RAD54L2: variants seen among roughly 807,000 people sequenced by gnomAD.
RAD54L2 encodes the protein RAD54 like 2, also known as helicase ARIP4.
Under a neutral mutation model 138.4 loss-of-function variants are expected in RAD54L2, and 27 were observed. The ratio of observed to expected loss-of-function variants is 0.20; its 90% CI spans 0.14 to 0.27. The LOEUF is 0.27. Ranked by LOEUF, RAD54L2 falls within the 10% of genes least tolerant of loss-of-function variation. The pLI is 1.00. For synonymous variants in RAD54L2, 644 were observed against 723.2 expected (o/e 0.89, Z 1.76); for missense variants, 1,396 against 1,890.2 (o/e 0.74, Z 4.85).
chr3:51,551,858 T>C (rs1698847603), intron 2 of RAD54L2, among the ~76,000 whole-genome samples: 1 of 151,958 alleles, frequency 6.6e-6, no homozygotes. Flanking sequence ...GTTCAGACGA[T>C]TCTCCTGCCT....
chr3:51,623,274 C>T (rs963135103), intron 3 of RAD54L2, among the ~76,000 whole-genome samples: 3 of 152,158 alleles, frequency 2.0e-5, no homozygotes, highest in Non-Finnish European at 4.4e-5. Flanking sequence ...TCTGCTTCCC[C>T]CTTTGCTTTC....
chr3:51,625,702 G>GA lies in RAD54L2; in HGVS notation c.140-1841dup, dbSNP rs60515371. ...ATCGAGACCTTGTCTCTACAAAAAA[G>GA]AAAAAAAAAATTAGCTGGGTGTGAT... On this transcript the variant is annotated intron_variant, in intron 3 of 22. Transcript: ENST00000684192. 4.5e-3 allele frequency among the ~76,000 whole-genome samples: 663 copies of GA among 147,680 alleles called. 5 individuals are homozygous for GA. The highest frequency in any genetic ancestry group is 0.015 in the African/African-American group (624 of 40,266).
Position 51,662,437 on chromosome 3 carries a change from CCTT to C in RAD54L2, c.3425_3427del (p.Ser1142del). The C allele has an allele frequency of 6.6e-7, 1 of 1,524,172 alleles. No individual in the cohort carries two copies. The highest frequency in any genetic ancestry group is 8.8e-7 in the Non-Finnish European group (1 of 1,134,144). 94.4% of individuals were successfully genotyped at this position (1,524,172 alleles called of 1,614,324 possible). ...CATTTTGTCCCCAGGTTCCCAGGGA[CCTT>C]CTTGCGAGTCCACAAGCAACGGCAG... On this transcript the variant is annotated inframe_deletion, in exon 23 of 23. Transcript: ENST00000684192. The surrounding 1 kb of genome is among the most constrained non-coding windows in gnomAD (Gnocchi z 4.6).
chr3:51,599,385 TA>T (rs997300521), intron 3 of RAD54L2, among the ~76,000 whole-genome samples: 17 of 152,140 alleles, frequency 1.1e-4, no homozygotes, highest in South Asian at 6.2e-4. Context: ...GGGATAGGAT[TA>T]GGGGCAGAGA....
chr3:51,560,441 G>A (rs1475059774), intron 2 of RAD54L2, among the ~76,000 whole-genome samples: 1 of 149,046 alleles, frequency 6.7e-6, no homozygotes, highest in African/African-American at 2.5e-5. Context: ...CTCACTACAA[G>A]CTCCGCCTCC....
Position 51,657,657 on chromosome 3 carries a change from C to T in RAD54L2, c.3304C>T (p.Arg1102Cys), listed in dbSNP as rs780781138. 11 of 1,570,816 alleles carry T rather than the reference C, an allele frequency of 7.0e-6. No homozygotes were observed. The highest frequency in any genetic ancestry group is 2.7e-5 in the African/African-American group (2 of 74,138). ...TGCTGGTGAGAGCATCCACATCATC[C>T]GTGGGACAAAAGGTAAGAGCCTGAC... ...INAGESIHIIRGTKGTYIRTS... is the reference protein window; with the variant it reads ...INAGESIHIICGTKGTYIRTS... Residue 1102 changes from arginine to cysteine, a missense_variant, in exon 21 of 23, where the codon CGT becomes TGT. Arg to Cys is a radical substitution (Grantham distance 180). This residue lies in a region of RAD54L2 where 634 missense variants were observed against 711.2 expected (regional missense o/e 0.89). Transcript: ENST00000684192.
chr3:51,621,668 T>C (rs1254973503), intron 3 of RAD54L2, among the ~76,000 whole-genome samples: 1 of 152,218 alleles, frequency 6.6e-6, no homozygotes, highest in Non-Finnish European at 1.5e-5. Flanking sequence ...ATCTGCCTAC[T>C]CTCTAATCTT....
intron 2 of RAD54L2, among the ~76,000 whole-genome samples, chr3:51,565,109 A>C (rs1699184392): frequency 6.6e-6 from 1 of 152,198 alleles, no homozygotes; most frequent in Non-Finnish European, 1.5e-5. Context: ...GGAAGCCTGC[A>C]TGAGTTGCTA....
At chr3:51,647,196 A>T (rs1410591438) in intron 19 of RAD54L2, among the ~76,000 whole-genome samples, 1 of 152,112 alleles carries the variant, frequency 6.6e-6, no homozygotes. Flanking sequence ...ATGGGAACAG[A>T]TTTAAATTTT....
In RAD54L2 at chr3:51,663,122, T is replaced by C; in HGVS notation, c.4106T>C (p.Phe1369Ser). The change falls in exon 23 of 23, where the codon TTC becomes TCC. Residue 1369 changes from phenylalanine (F) to serine (S), a missense_variant. This residue lies in a region of RAD54L2 where 634 missense variants were observed against 711.2 expected (regional missense o/e 0.89). Coordinates refer to ENST00000684192, the MANE Select transcript of RAD54L2 (RefSeq NM_015106.4). Reference protein sequence around the residue: ...ATSVTASNPSFMLNPSVPGIL... With the variant: ...ATSVTASNPSSMLNPSVPGIL... ...TCAGTCACTGCCAGCAACCCCTCCTTCATGCTCAACCCTTCTGTGCCAGGG... is the reference window on the plus strand; with the variant it reads ...TCAGTCACTGCCAGCAACCCCTCCTCCATGCTCAACCCTTCTGTGCCAGGG... 1 of 1,613,860 alleles carries C rather than the reference T, an allele frequency of 6.2e-7. No individual in the cohort carries two copies. The highest frequency in any genetic ancestry group is 8.5e-7 in the Non-Finnish European group (1 of 1,179,846).
At chr3:51,598,430 T>C (rs1294282362) in intron 3 of RAD54L2, among the ~76,000 whole-genome samples, 1 of 152,026 alleles carries the variant, frequency 6.6e-6, no homozygotes, top group Admixed American at 6.6e-5. Flanking sequence ...AATACTGACA[T>C]GAAGCTTCCA....
chr3:51,569,523 A>C (rs779211440), intron 2 of RAD54L2, among the ~76,000 whole-genome samples: 3 of 151,992 alleles, frequency 2.0e-5, no homozygotes, highest in Non-Finnish European at 2.9e-5. Flanking sequence ...AGCTGGGATT[A>C]CAGGTGTCCA....
intron 3 of RAD54L2, among the ~76,000 whole-genome samples, chr3:51,625,717 C>T (rs1286988365): frequency 2.0e-5 from 3 of 151,982 alleles, no homozygotes; most frequent in African/African-American, 7.3e-5. Flanking sequence ...AAAAAATTAG[C>T]TGGGTGTGAT....
At position 51,662,033 on chromosome 3, in the gene RAD54L2, A is replaced by C. The variant is rs1476397780; in HGVS notation, c.3410-393A>C. Among the ~76,000 whole-genome samples, 1 of 152,192 alleles carries C rather than the reference A, an allele frequency of 6.6e-6. No individual in the cohort carries two copies. The highest frequency in any genetic ancestry group is 2.4e-5 in the African/African-American group (1 of 41,450). ...TAGCTATGGATTTTGTTTTGTTTTC[A>C]AATCAGAATGAACTGCTTTTTAGCT... is the stretch of plus-strand genomic sequence containing the variant. On this transcript the variant is annotated intron_variant, in intron 22 of 22. Coordinates refer to ENST00000684192, the MANE Select transcript of RAD54L2 (RefSeq NM_015106.4). This position sits in a 1 kb window ranked among gnomAD's most constrained non-coding sequence, Gnocchi z 4.6.
intron 3 of RAD54L2, among the ~76,000 whole-genome samples, chr3:51,615,217 G>C (rs1377603460): frequency 6.6e-6 from 1 of 152,128 alleles, no homozygotes; most frequent in Non-Finnish European, 1.5e-5. Flanking sequence ...GTTTCACCAT[G>C]TTGGCCAGGC....
intron 2 of RAD54L2, among the ~76,000 whole-genome samples, chr3:51,588,126 C>T (rs1386227563): frequency 1.5e-5 from 2 of 131,974 alleles, no homozygotes; most frequent in Admixed American, 9.3e-5. Flanking sequence ...GTGGAGCTTG[C>T]AGTAAGCCAA....
At chr3:51,636,805 T>C (rs888195101) in intron 10 of RAD54L2, among the ~76,000 whole-genome samples, 3 of 152,150 alleles carry the variant, frequency 2.0e-5, no homozygotes, top group Non-Finnish European at 4.4e-5. Flanking sequence ...TGGTGGCGCA[T>C]GCCTCTAATC....
chr3:51,598,134 T>C (rs1700007693), intron 3 of RAD54L2, among the ~76,000 whole-genome samples: 1 of 145,464 alleles, frequency 6.9e-6, no homozygotes, highest in Admixed American at 7.3e-5. Context: ...TATATATATA[T>C]GTGTGTATAT....
In RAD54L2 at chr3:51,630,812, A is replaced by C. The variant is rs1390018807; in HGVS notation, c.706A>C (p.Asn236His). The C allele has an allele frequency of 6.2e-7, 1 of 1,613,992 alleles. No homozygotes were observed. Among genetic ancestry groups the C allele is most frequent in the South Asian group, 1.1e-5 (1 of 91,088 alleles). ...EEEEKGGTHV[N>H]DVLNQRDALG... ...AGAAGAGAAGGGTGGCACCCATGTC[A>C]ATGATGTCTTAAACCAGCGTGACGC... Residue 236 changes from asparagine to histidine, a missense_variant, in exon 7 of 23, where the codon AAT becomes CAT. Transcript: ENST00000684192.
Sources: gnomAD v4.1 joint callset for allele counts (sites outside exome capture counted in the v4.1 genomes callset) on GRCh38, gnomAD v4.1.1 for gene constraint, gnomAD v4.1.1 regional missense constraint, Gnocchi (gnomAD v3.1) non-coding constraint, MANE v1.5 for transcripts, NCBI Gene and HGNC (gene_info 2026-07-23, HGNC 2026-07-21) for gene names.